The following KATNIP variants were observed in gnomAD, a reference collection of about 807,000 sequenced individuals.
KATNIP encodes katanin-interacting protein.
Under a neutral mutation model 174.0 loss-of-function variants are expected in KATNIP, and 126 were observed. The observed-to-expected ratio is 0.72, with a 90% CI of 0.63 to 0.84. The LOEUF (loss-of-function observed/expected upper bound fraction) is 0.84, where lower values mean the gene tolerates loss of function less well. Ranked by LOEUF, KATNIP falls within the 40% of genes least tolerant of loss-of-function variation. The pLI, the probability that KATNIP is intolerant of heterozygous loss-of-function variation, is 0.00. For synonymous variants in KATNIP, 810 were observed against 835.7 expected, an observed-to-expected ratio of 0.97 and a Z score of 0.53; for missense variants, 1,958 against 2,109.7, an observed-to-expected ratio of 0.93 and a Z score of 1.41.
intron 23 of KATNIP, among the ~76,000 whole-genome samples, chr16:27,773,761 A>G (rs572419838): frequency 2.7e-4 from 41 of 152,248 alleles, no homozygotes; most frequent in African/African-American, 9.4e-4. Flanking sequence ...GCATAGTGAC[A>G]ATGGCTGGAC....
chr16:27,709,369 C>T (rs2079472806), intron 13 of KATNIP, among the ~76,000 whole-genome samples: 1 of 151,834 alleles, frequency 6.6e-6, no homozygotes. Flanking sequence ...CACCTGTAAT[C>T]CCAGCACTTT....
chr16:27,696,630 C>A (rs1374477096), intron 8 of KATNIP, among the ~76,000 whole-genome samples: 1 of 152,170 alleles, frequency 6.6e-6, no homozygotes, highest in East Asian at 1.9e-4. Flanking sequence ...AGGATAATGG[C>A]CTTCAGTTTC....
chr16:27,610,419 T>C (rs896276658), intron 2 of KATNIP, among the ~76,000 whole-genome samples: 5 of 152,164 alleles, frequency 3.3e-5, no homozygotes, highest in African/African-American at 9.7e-5. Context: ...TTCAGACACT[T>C]GGCATTGCAT....
At chr16:27,690,315 C>CAGATAGATAGATAGATAGATAGATAGAT (rs3056270) in intron 8 of KATNIP, among the ~76,000 whole-genome samples, 6 of 128,658 alleles carry the variant, frequency 4.7e-5, no homozygotes, top group Non-Finnish European at 8.2e-5. Flanking sequence ...GACCCCATCT[C>CAGATAGATAGATAGATAGATAGATAGAT]AGATAGATAG....
rs552121628 is a variant in KATNIP, at chr16:27,696,464, T to C, written c.941-1864T>C. Among the ~76,000 whole-genome samples, 10 of 152,280 alleles carry C rather than the reference T, an allele frequency of 6.6e-5. No individual in the cohort carries two copies. The East Asian group carries it at 1.9e-3, about 29-fold the overall frequency. ...CCCAGGTAATAAGCATAGTACCTGA[T>C]AGGTATTTTTTCTGGTCCTCTCCTT... On this transcript the variant is annotated intron_variant, in intron 8 of 27. Coordinates refer to ENST00000261588, the MANE Select transcript of KATNIP (RefSeq NM_015202.5).
intron 19 of KATNIP, among the ~76,000 whole-genome samples, chr16:27,762,131 T>G (rs1028515983): frequency 1.3e-5 from 2 of 152,150 alleles, no homozygotes; most frequent in African/African-American, 4.8e-5. Flanking sequence ...TTGATCCACA[T>G]GGACCTGCAG....
At chr16:27,630,866 A>AT (rs2076466493) in intron 4 of KATNIP, among the ~76,000 whole-genome samples, 199 bp from the exon 5 acceptor site, 1 of 152,060 alleles carries the variant, frequency 6.6e-6, no homozygotes, top group African/African-American at 2.4e-5. Context: ...ACTGGAACTT[A>AT]TTTACCCATT....
Position 27,648,620 on chromosome 16 carries a change from G to A in KATNIP, c.425G>A (p.Arg142Lys). 1 of 1,614,210 alleles carries A rather than the reference G, an allele frequency of 6.2e-7. No individual in the cohort carries two copies. Among genetic ancestry groups the A allele is most frequent in the Non-Finnish European group, 8.5e-7 (1 of 1,180,048 alleles). Residue 142 changes from arginine (R) to lysine (K), a missense_variant, in exon 6 of 28, where the codon AGA becomes AAA. Transcript: ENST00000261588. ...RGWHQKSVQI[R>K]TEAGPRLHIE... ...TTTGTACAGAAATCTGTGCAGATCA[G>A]AACAGAAGCTGGCCCACGGCTCCAC...
intron 2 of KATNIP, among the ~76,000 whole-genome samples, chr16:27,580,648 C>T (rs2141773349): frequency 6.6e-6 from 1 of 152,042 alleles, no homozygotes; most frequent in South Asian, 2.1e-4. Context: ...GCTTTGTCTC[C>T]TTTACCCACC....
chr16:27,771,539 T>C (rs756692788), intron 21 of KATNIP, 49 bp from the exon 22 acceptor site: 2 of 1,582,878 alleles, frequency 1.3e-6, no homozygotes, highest in Non-Finnish European at 1.7e-6. Flanking sequence ...TGGCTGGTGA[T>C]TCTGGGCCGT....
intron 20 of KATNIP, among the ~76,000 whole-genome samples, chr16:27,767,469 C>T (rs1196271853): frequency 6.6e-6 from 1 of 152,138 alleles, no homozygotes; most frequent in East Asian, 1.9e-4. Context: ...CCTGTAATCC[C>T]AGTACTTTGG....
chr16:27,665,761 C>T (rs1336885060), intron 6 of KATNIP, among the ~76,000 whole-genome samples: 4 of 151,070 alleles, frequency 2.6e-5, no homozygotes, highest in East Asian at 2.0e-4. Flanking sequence ...CCACCACGCC[C>T]GGCTAATTTT....
intron 1 of KATNIP, 113 bp downstream of exon 1, chr16:27,550,290 C>A: frequency 8.1e-7 from 1 of 1,229,786 alleles, no homozygotes; most frequent in Non-Finnish European, 1.1e-6. Flanking sequence ...CTTCCTGACC[C>A]AAGGGGGTCT....
chr16:27,694,931 A>C (rs1341653467), intron 8 of KATNIP, among the ~76,000 whole-genome samples: 1 of 152,106 alleles, frequency 6.6e-6, no homozygotes, highest in African/African-American at 2.4e-5. Context: ...GCTTGTCCCA[A>C]ATTGAGCCCT....
Position 27,648,473 on chromosome 16 carries a change from A to C in KATNIP, c.409-131A>C. The C allele has an allele frequency of 1.3e-5, 14 of 1,070,574 alleles. 1 individual carries two copies. The highest frequency in any genetic ancestry group is 1.9e-5 in the Non-Finnish European group (14 of 736,412). The allele number at this position is 1,070,574 out of a possible 1,614,324, so 66.3% of individuals were successfully genotyped here. A position where few individuals can be genotyped will look rare whatever the true frequency, so the allele number is the denominator to read the frequency against. ...CTCATCATGACACCACTGCTGTTGC[A>C]TGCAGGCACACCACCCCATGGTATC... On this transcript the variant is annotated intron_variant, in intron 5 of 27. Transcript: ENST00000261588.
intron 8 of KATNIP, among the ~76,000 whole-genome samples, chr16:27,693,184 C>T (rs1835611264): frequency 6.6e-6 from 1 of 152,186 alleles, no homozygotes; most frequent in African/African-American, 2.4e-5. Context: ...ACCTCATTCT[C>T]AGCCCATGTT....
intron 1 of KATNIP, among the ~76,000 whole-genome samples, chr16:27,556,948 C>T (rs1418941792): frequency 6.6e-6 from 1 of 152,074 alleles, no homozygotes; most frequent in Non-Finnish European, 1.5e-5. Flanking sequence ...TTCGTTCCTC[C>T]TGTCACTTTA....
intron 14 of KATNIP, among the ~76,000 whole-genome samples, chr16:27,725,645 C>T (rs925283489): frequency 1.2e-4 from 19 of 152,118 alleles, no homozygotes; most frequent in African/African-American, 4.1e-4. Flanking sequence ...AGGAAGAAAC[C>T]GATAGTCTCC....
chr16:27,552,367 T>A (rs2089417731), intron 1 of KATNIP, among the ~76,000 whole-genome samples: 1 of 151,206 alleles, frequency 6.6e-6, no homozygotes, highest in South Asian at 2.1e-4. Context: ...CAAATGCCAG[T>A]TTCTTTTTTC....
Sources: allele counts gnomAD v4.1 joint callset (sites outside exome capture counted in the v4.1 genomes callset), GRCh38; gene constraint gnomAD v4.1.1; transcripts MANE v1.5; gene names NCBI Gene and HGNC (gene_info 2026-07-23, HGNC 2026-07-21).